Variants in MCF2L observed in about 807,000 individuals in gnomAD.
MCF2L encodes the protein guanine nucleotide exchange factor DBS.
A neutral mutation model predicts 153.4 loss-of-function variants in MCF2L; 97 were observed. The observed-to-expected ratio is 0.63, with a 90% CI of 0.54 to 0.75. The LOEUF is 0.75. Ranked by LOEUF, MCF2L falls within the 30% of genes least tolerant of loss-of-function variation. The pLI is 0.00. For missense variants in MCF2L, 1,347 were observed against 1,495.2 expected (o/e 0.90, Z 1.64); for synonymous variants, 659 against 632.2 (o/e 1.04, Z -0.64).
At chr13:112,926,805 G>A (rs1343470829) in intron 2 of MCF2L, among the ~76,000 whole-genome samples, 8 of 152,178 alleles carry the variant, frequency 5.3e-5, no homozygotes, top group African/African-American at 1.4e-4. Context: ...GGCAGGGGGC[G>A]GGGTGGGATG....
rs3011544 is a variant in MCF2L at position 112,983,450 on chromosome 13, T to C, written c.79+13992T>C. On this transcript the variant is annotated intron_variant, in intron 1 of 29. Coordinates refer to ENST00000535094, the MANE Select transcript of MCF2L (RefSeq NM_001112732.3). This position sits in a 1 kb window ranked among gnomAD's most constrained non-coding sequence, Gnocchi z 4.0. ...AGGTGGCCTTCTCCAGGCATTGCCC[T>C]GCACCTCGAGGGGCAGCGGGGCTTA... Among the ~76,000 whole-genome samples the C allele has an allele frequency of 0.86, 131,617 of 152,206 alleles. 57,346 individuals are homozygous for C. Among genetic ancestry groups the C allele is most frequent in the Middle Eastern group, 0.96 (282 of 294 alleles).
In MCF2L at chr13:113,089,694, A is replaced by G; in HGVS notation, c.2919A>G (p.Ser973=). The G allele has an allele frequency of 6.2e-7, 1 of 1,613,928 alleles. No individual in the cohort carries two copies. Among genetic ancestry groups the G allele is most frequent in the Non-Finnish European group, 8.5e-7 (1 of 1,180,014 alleles). The change falls in exon 26 of 30, where the codon TCA becomes TCG. Residue 973 remains serine, a synonymous_variant. Coordinates refer to ENST00000535094, the MANE Select transcript of MCF2L (RefSeq NM_001112732.3). The part of the protein sequence containing the change: ...DPLSLEGYVS[S]APLTKPPEKG... ...TAAGCCTGGAGGGATACGTCAGCTCAGCGCCACTGACAAAGCCCCCCGAAA... is the reference window on the plus strand; with the variant it reads ...TAAGCCTGGAGGGATACGTCAGCTCGGCGCCACTGACAAAGCCCCCCGAAA...
chr13:113,083,123 T>G (rs944702613), intron 17 of MCF2L, among the ~76,000 whole-genome samples: 2 of 152,166 alleles, frequency 1.3e-5, no homozygotes, highest in Admixed American at 6.5e-5. Context: ...AACACAGTTT[T>G]GGGGAGCTCA....
At chr13:112,902,449 C>G (rs1200149828) in intron 2 of MCF2L, 2 of 1,407,220 alleles carry the variant, frequency 1.4e-6, no homozygotes, top group East Asian at 2.4e-5. Flanking sequence ...CTTTGCTATT[C>G]CGGTCCTTTT....
intron 1 of MCF2L, among the ~76,000 whole-genome samples, chr13:112,901,892 T>C (rs1471364345): frequency 2.0e-5 from 3 of 152,264 alleles, no homozygotes; most frequent in East Asian, 1.9e-4. Flanking sequence ...GGAGTCTGAA[T>C]GTCGAGGGGA....
At position 113,078,747 on chromosome 13, in the gene MCF2L, C is replaced by A. The variant is rs375705727; in HGVS notation, c.1808+8C>A. 1.9e-6 allele frequency: 3 copies of A among 1,592,392 alleles called. No homozygotes were observed. The highest frequency in any genetic ancestry group is 2.6e-6 in the Non-Finnish European group (3 of 1,174,572). On this transcript the variant is annotated splice_region_variant and intron_variant, in intron 15 of 29. Coordinates refer to ENST00000535094, the MANE Select transcript of MCF2L (RefSeq NM_001112732.3). Reference sequence around the variant, plus strand: ...CCTGGCCATCCTGCGCAGGTGGGTGCGCTGCCCTTCTGTCCTCACAGGGGC... The same window carrying A: ...CCTGGCCATCCTGCGCAGGTGGGTGAGCTGCCCTTCTGTCCTCACAGGGGC...
At chr13:113,091,187 G>C (rs1226011388) in intron 26 of MCF2L, 2 of 1,304,242 alleles carry the variant, frequency 1.5e-6, no homozygotes, top group Admixed American at 2.3e-5. Flanking sequence ...ACTCCCTTTG[G>C]TGTGCGAGGT....
At chr13:112,979,257 G>A in intron 1 of MCF2L, 4 of 1,002,588 alleles carry the variant, frequency 4.0e-6, no homozygotes, top group South Asian at 3.9e-5. Context: ...TGCTCCATAA[G>A]GCAAGGAGGT....
intron 2 of MCF2L, among the ~76,000 whole-genome samples, chr13:112,944,670 T>A (rs1037360438): frequency 1.3e-5 from 2 of 151,728 alleles, no homozygotes; most frequent in Non-Finnish European, 2.9e-5. Flanking sequence ...GTATTTTTAG[T>A]AGAGATGGGG....
Position 113,048,721 on chromosome 13 carries a change from T to C in MCF2L, c.369+3360T>C, listed in dbSNP as rs9577441. ...CCTCCCAAAGTGCTGGGATTACAGG[T>C]GTGAGCCACCGCGCCCGGCTTATGG... is the stretch of plus-strand genomic sequence containing the variant. On this transcript the variant is annotated intron_variant, in intron 4 of 29. Transcript: ENST00000535094. Among the ~76,000 whole-genome samples the C allele has an allele frequency of 8.1e-3, 1,229 of 152,216 alleles. 50 individuals are homozygous for C. In the East Asian group the frequency reaches 0.12, roughly 15 times the overall value.
intron 2 of MCF2L, among the ~76,000 whole-genome samples, chr13:112,940,404 G>T (rs2081563452): frequency 6.6e-6 from 1 of 152,314 alleles, no homozygotes; most frequent in South Asian, 2.1e-4. Context: ...CAGAATTCCG[G>T]GGGCGCCAGG....
chr13:112,939,604 C>T (rs1157018826), intron 2 of MCF2L, among the ~76,000 whole-genome samples: 5 of 152,232 alleles, frequency 3.3e-5, no homozygotes, highest in African/African-American at 1.2e-4. Context: ...GATGCTAACT[C>T]TGTACCTGGA....
chr13:112,929,027 A>G (rs796901674), intron 2 of MCF2L, among the ~76,000 whole-genome samples: 6 of 152,274 alleles, frequency 3.9e-5, no homozygotes, highest in African/African-American at 1.4e-4. Flanking sequence ...CACCTGAGCT[A>G]CTCAGCGTGC....
chr13:112,898,549 G>A (rs116977508), intron 1 of MCF2L, among the ~76,000 whole-genome samples: 3,280 of 152,168 alleles, frequency 0.022, 53 homozygotes, highest in Middle Eastern at 0.078. Context: ...CAGGGGTAAC[G>A]CCCACGGCCA....
Position 113,089,632 on chromosome 13 carries a change from A to T in MCF2L, c.2857A>T (p.Asn953Tyr). The change falls in exon 26 of 30, where the codon AAC (asparagine) becomes TAC (tyrosine). Residue 953 changes from asparagine (N) to tyrosine (Y), a missense_variant. Transcript: ENST00000535094. The part of the protein sequence containing the change: ...STSPSRGNSR[N>Y]IKKLEERKTD... The stretch of plus-strand genomic sequence containing the variant: ...CAGTCCCTCAAGAGGAAACTCAAGG[A>T]ACATCAAGAAGCTGGAAGAAAGGAA... 2 of 1,613,296 alleles carry T rather than the reference A, an allele frequency of 1.2e-6. No individual in the cohort carries two copies.
At chr13:113,091,749 T>C (rs547627833) in intron 26 of MCF2L, among the ~76,000 whole-genome samples, 1 of 151,060 alleles carries the variant, frequency 6.6e-6, no homozygotes, top group South Asian at 2.1e-4. Flanking sequence ...GCCTCCCTTA[T>C]ATTCTCAGGG....
chr13:113,089,999 C>T (rs924731671), intron 26 of MCF2L: 59 of 1,600,266 alleles, frequency 3.7e-5, no homozygotes, highest in Non-Finnish European at 3.1e-5. Flanking sequence ...GCCCTCCCTG[C>T]GACAGCCGGA....
chr13:113,090,216 T>C (rs2035071532), intron 26 of MCF2L: 3 of 1,470,762 alleles, frequency 2.0e-6, no homozygotes, highest in East Asian at 2.9e-5. Flanking sequence ...CTGTCATGCA[T>C]CGTGTGTGAC....
chr13:112,978,296 G>C (rs1314059571), intron 1 of MCF2L, among the ~76,000 whole-genome samples: 2 of 152,196 alleles, frequency 1.3e-5, no homozygotes, highest in African/African-American at 2.4e-5. Context: ...GGGGGATGCA[G>C]CACAGACAGC....
Sources: gnomAD v4.1 joint callset for allele counts (sites outside exome capture counted in the v4.1 genomes callset) on GRCh38, gnomAD v4.1.1 for gene constraint, Gnocchi (gnomAD v3.1) non-coding constraint, MANE v1.5 for transcripts, NCBI Gene and HGNC (gene_info 2026-07-23, HGNC 2026-07-21) for gene names.